LPA: variants seen among roughly 807,000 people sequenced by gnomAD.
The protein encoded by LPA is lipoprotein(a).
In LPA, 199 loss-of-function variants were observed where a neutral mutation model predicts 197.9. That is an observed-to-expected ratio of 1.01 (90% CI 0.90 to 1.13). LPA has a LOEUF of 1.13. Among genes scored for constraint, LPA ranks in the 50% most tolerant of loss-of-function variants. The probability of loss-of-function intolerance (pLI) is 0.00; values close to 1 mark genes in which losing one functional copy is unlikely to be tolerated. For synonymous variants in LPA, 715 were observed against 639.5 expected, an observed-to-expected ratio of 1.12 and a Z score of -1.78; for missense variants, 1,853 against 1,785.8, an observed-to-expected ratio of 1.04 and a Z score of -0.68.
At chr6:160,611,478 G>C (rs1037731585) in intron 16 of LPA, 84 bp downstream of exon 16, 16 of 1,572,392 alleles carry the variant, frequency 1.0e-5, no homozygotes, top group South Asian at 1.1e-5. Context: ...AGTTGAGTTC[G>C]GAGAACTCAG....
At chr6:160,565,449 G>T (rs1019470797) in intron 28 of LPA, among the ~76,000 whole-genome samples, 1 of 152,216 alleles carries the variant, frequency 6.6e-6, no homozygotes, top group Admixed American at 6.5e-5. Context: ...CAACAGACCT[G>T]CAGCTGAGGG....
intron 30 of LPA, among the ~76,000 whole-genome samples, chr6:160,554,242 G>A (rs1399867683): frequency 5.3e-5 from 8 of 151,530 alleles, no homozygotes; most frequent in East Asian, 1.9e-4. Context: ...CAATTCCATC[G>A]TTTCTACTAT....
At chr6:160,599,703 C>T in intron 19 of LPA, 44 bp from the exon 20 acceptor site, 1 of 1,607,502 alleles carries the variant, frequency 6.2e-7, no homozygotes, top group Non-Finnish European at 8.5e-7. Context: ...TTTCCTAGAA[C>T]AGAAAAATAC....
rs1186707893 is a variant in LPA at position 160,570,038 on chromosome 6, G to T, written c.4631+7098C>A. 3.9e-5 allele frequency among the ~76,000 whole-genome samples: 6 copies of T among 152,190 alleles called. No individual in the cohort carries two copies. The South Asian group carries it at 1.0e-3, about 26-fold the overall frequency. On this transcript the variant is annotated intron_variant, in intron 28 of 38. Coordinates refer to ENST00000316300, the MANE Select transcript of LPA (RefSeq NM_005577.4). ...AGGAACATTTTTACACTGGTGGTGGGACTGTAAACTAGTTCAACCATTGTG... is the reference window on the plus strand; with the variant it reads ...AGGAACATTTTTACACTGGTGGTGGTACTGTAAACTAGTTCAACCATTGTG...
Position 160,548,590 on chromosome 6 carries a change from G to C in LPA, c.5043C>G (p.Pro1681=), listed in dbSNP as rs1778118301. 6.2e-7 allele frequency: 1 copy of C among 1,613,966 alleles called. No individual in the cohort carries two copies. Among genetic ancestry groups the C allele is most frequent in the African/African-American group, 1.3e-5 (1 of 74,904 alleles). The change falls in exon 31 of 39, where the codon CCC becomes CCG. Residue 1681 remains proline (P), a synonymous_variant. Transcript: ENST00000316300. ...DTGPWCFTMD[P]SIRWEYCNLT... is the part of the protein sequence containing the mutation. ...GGTTGCAGTACTCCCACCTGATGCT[G>C]GGGTCCATGGTAAAACACCAAGGGC...
chr6:160,555,789 A>G (rs902856219), intron 30 of LPA, among the ~76,000 whole-genome samples: 1 of 152,116 alleles, frequency 6.6e-6, no homozygotes, highest in Non-Finnish European at 1.5e-5. Flanking sequence ...TTATATTAAA[A>G]AGACCTCATC....
intron 26 of LPA, among the ~76,000 whole-genome samples, chr6:160,579,971 C>A (rs1468725502): frequency 6.6e-6 from 1 of 152,216 alleles, no homozygotes; most frequent in African/African-American, 2.4e-5. Context: ...GTAGCCCACA[C>A]TGCCCTCACA....
chr6:160,533,670 T>C (rs1295805306), intron 37 of LPA, among the ~76,000 whole-genome samples: 1 of 152,232 alleles, frequency 6.6e-6, no homozygotes, highest in African/African-American at 2.4e-5. Context: ...AAAATGTCAC[T>C]GGAAAACAAT....
intron 37 of LPA, among the ~76,000 whole-genome samples, chr6:160,533,700 G>A (rs1279279882): frequency 6.6e-6 from 1 of 152,188 alleles, no homozygotes; most frequent in East Asian, 1.9e-4. Context: ...TCACCCTTGT[G>A]ATATTCAATT....
chr6:160,533,127 G>T (rs1777832572), intron 37 of LPA, among the ~76,000 whole-genome samples: 1 of 152,070 alleles, frequency 6.6e-6, no homozygotes, highest in South Asian at 2.1e-4. Context: ...TTAATGAGGA[G>T]TGACTGCTTA....
chr6:160,532,066 A>G (rs1021085801), intron 38 of LPA, among the ~76,000 whole-genome samples, 176 bp from the exon 39 acceptor site: 8 of 152,344 alleles, frequency 5.3e-5, no homozygotes, highest in Admixed American at 5.2e-4. Context: ...AGTCTATTCA[A>G]CAAAACCACA....
At chr6:160,533,316 A>G (rs1047082181) in intron 37 of LPA, among the ~76,000 whole-genome samples, 4 of 152,224 alleles carry the variant, frequency 2.6e-5, no homozygotes, top group African/African-American at 7.2e-5. Context: ...TTTACTAAGA[A>G]TCAACCTTTC....
intron 28 of LPA, among the ~76,000 whole-genome samples, chr6:160,573,532 G>T (rs1778600586): frequency 6.6e-6 from 1 of 152,104 alleles, no homozygotes; most frequent in South Asian, 2.1e-4. Flanking sequence ...TTGGTTTTCT[G>T]GTTCCTTCTC....
At chr6:160,550,479 G>C (rs1399944118) in intron 30 of LPA, among the ~76,000 whole-genome samples, 1 of 152,174 alleles carries the variant, frequency 6.6e-6, no homozygotes, top group Non-Finnish European at 1.5e-5. Flanking sequence ...CAAGCAGCTG[G>C]CTGTGTTAGC....
chr6:160,592,954 C>T (rs926012193), intron 22 of LPA, among the ~76,000 whole-genome samples: 2 of 152,192 alleles, frequency 1.3e-5, no homozygotes, highest in South Asian at 4.1e-4. Flanking sequence ...TGCAGTTGTT[C>T]TTTCCCCAGT....
intron 27 of LPA, among the ~76,000 whole-genome samples, chr6:160,577,714 G>A (rs1012686172): frequency 1.3e-5 from 2 of 152,266 alleles, no homozygotes; most frequent in Non-Finnish European, 1.5e-5. Context: ...TCATACCAAG[G>A]CAAAAGGCTT....
At chr6:160,578,121 C>T (rs1778718972) in intron 27 of LPA, among the ~76,000 whole-genome samples, 2 of 152,104 alleles carry the variant, frequency 1.3e-5, no homozygotes, top group African/African-American at 4.8e-5. Context: ...AGGCCATGTT[C>T]TTAAGAAACT....
intron 28 of LPA, among the ~76,000 whole-genome samples, chr6:160,568,419 C>T (rs1359842478): frequency 6.6e-6 from 1 of 152,150 alleles, no homozygotes; most frequent in African/African-American, 2.4e-5. Flanking sequence ...GCAGAAAAGG[C>T]CTTTGACAAA....
At chr6:160,604,965 A>C (rs1779315214) in intron 18 of LPA, 81 bp downstream of exon 18, 2 of 1,591,510 alleles carry the variant, frequency 1.3e-6, no homozygotes, top group African/African-American at 2.7e-5. Context: ...TGAGTCCTGA[A>C]CACTCAGCTT....
Sources: gnomAD v4.1 joint callset for allele counts (sites outside exome capture counted in the v4.1 genomes callset) on GRCh38, gnomAD v4.1.1 for gene constraint, MANE v1.5 for transcripts, NCBI Gene and HGNC (gene_info 2026-07-23, HGNC 2026-07-21) for gene names.